The following WDR27 variants were observed in gnomAD, a reference collection of about 807,000 sequenced individuals.
The protein encoded by WDR27 is WD repeat-containing protein 27.
WDR27 carries 100 observed loss-of-function variants against 114.4 expected under a neutral mutation model. That is an observed-to-expected ratio of 0.87 (90% confidence interval 0.74 to 1.03). The LOEUF is 1.03. Ranked by LOEUF, WDR27 falls within the 50% of genes least tolerant of loss-of-function variation. The pLI is 0.00. For missense variants in WDR27, 1,129 were observed against 1,092.9 expected (o/e 1.03, Z -0.47); for synonymous variants, 449 against 423.1 (o/e 1.06, Z -0.75).
intron 21 of WDR27, among the ~76,000 whole-genome samples, chr6:169,614,705 G>A (rs1811385651): frequency 6.6e-6 from 1 of 150,594 alleles, no homozygotes; most frequent in Non-Finnish European, 1.5e-5. Context: ...AAAAAGAAAA[G>A]AAAAAGAAAA....
In WDR27 at chr6:169,638,565, G is replaced by C. The variant is rs373407657; in HGVS notation, c.1843C>G (p.Arg615Gly). 4 of 1,610,896 alleles carry C rather than the reference G, an allele frequency of 2.5e-6. No individual in the cohort carries two copies. The South Asian group carries it at 4.4e-5, about 18-fold the overall frequency. The part of the protein sequence containing the change: ...RDGTLRMWSA[R>G]GAELALLLGK... ...AGAAGCAGTGCGAGCTCTGCCCCAC[G>C]AGCCGACCACATTCGCAGGGTCCCG... The change falls in exon 18 of 26, where the codon CGT (arginine) becomes GGT (glycine). Residue 615 changes from arginine (R) to glycine (G), a missense_variant. Coordinates refer to ENST00000448612, the MANE Select transcript of WDR27 (RefSeq NM_182552.5).
At chr6:169,605,044 A>C (rs370452956) in intron 22 of WDR27, among the ~76,000 whole-genome samples, 1 of 146,868 alleles carries the variant, frequency 6.8e-6, no homozygotes, top group Admixed American at 7.1e-5. Flanking sequence ...GAACAAGACA[A>C]GGATGCCCAC....
intron 25 of WDR27, among the ~76,000 whole-genome samples, chr6:169,536,445 A>G (rs555494590): frequency 1.3e-5 from 2 of 152,218 alleles, no homozygotes; most frequent in Non-Finnish European, 2.9e-5. Flanking sequence ...AAATGCTGTA[A>G]TAATCCTAAG....
intron 17 of WDR27, among the ~76,000 whole-genome samples, chr6:169,640,687 C>T (rs557175051): frequency 1.3e-5 from 2 of 152,370 alleles, no homozygotes; most frequent in East Asian, 3.9e-4. Flanking sequence ...GTCCAGGCAG[C>T]CTGGGCCATA....
At chr6:169,679,276 C>A (rs892714716) in intron 2 of WDR27, among the ~76,000 whole-genome samples, 3 of 152,172 alleles carry the variant, frequency 2.0e-5, no homozygotes, top group Non-Finnish European at 2.9e-5. Context: ...ATGTCACAGG[C>A]CATGGTCACT....
chr6:169,640,192 T>C (rs1015113035), intron 17 of WDR27, among the ~76,000 whole-genome samples: 10 of 152,126 alleles, frequency 6.6e-5, no homozygotes, highest in African/African-American at 1.9e-4. Flanking sequence ...ATTCCTGCCA[T>C]AGCCGGGATC....
intron 16 of WDR27, among the ~76,000 whole-genome samples, chr6:169,645,301 C>T (rs1003929257): frequency 4.0e-5 from 6 of 150,748 alleles, no homozygotes; most frequent in African/African-American, 1.5e-4. Flanking sequence ...CCGGGTCATA[C>T]TGTAGAAAAT....
At chr6:169,564,302 G>A (rs944396081) in intron 25 of WDR27, among the ~76,000 whole-genome samples, 1 of 152,184 alleles carries the variant, frequency 6.6e-6, no homozygotes, top group African/African-American at 2.4e-5. Flanking sequence ...AGCCAAGCCG[G>A]CAGCTGATTA....
intron 23 of WDR27, among the ~76,000 whole-genome samples, chr6:169,589,807 T>C (rs12196723): frequency 0.48 from 73,385 of 152,072 alleles, 21,319 homozygotes; most frequent in Non-Finnish European, 0.66. Context: ...CCACAATCCA[T>C]GTGTGAAAGA....
intron 25 of WDR27, among the ~76,000 whole-genome samples, chr6:169,569,792 G>A (rs368627249): frequency 6.6e-6 from 1 of 152,150 alleles, no homozygotes; most frequent in East Asian, 1.9e-4. Flanking sequence ...TGGCTTTGGT[G>A]TATTTTGCCA....
At chr6:169,611,988 T>C (rs961623125) in intron 22 of WDR27, among the ~76,000 whole-genome samples, 1 of 152,054 alleles carries the variant, frequency 6.6e-6, no homozygotes, top group Non-Finnish European at 1.5e-5. Flanking sequence ...ATACAAAAAT[T>C]AGCTGGGCGT....
At chr6:169,479,694 G>A (rs1477546062) in intron 25 of WDR27, among the ~76,000 whole-genome samples, 1 of 152,222 alleles carries the variant, frequency 6.6e-6, no homozygotes, top group Non-Finnish European at 1.5e-5. Flanking sequence ...TCAGCATTCT[G>A]TCAATCATGA....
At chr6:169,632,387 C>A (rs1816645290) in intron 21 of WDR27, among the ~76,000 whole-genome samples, 1 of 152,140 alleles carries the variant, frequency 6.6e-6, no homozygotes, top group Non-Finnish European at 1.5e-5. Flanking sequence ...CAGTTTTAGT[C>A]CTAAGAAATA....
chr6:169,677,512 C>A (rs1780372232), intron 2 of WDR27, among the ~76,000 whole-genome samples: 1 of 152,176 alleles, frequency 6.6e-6, no homozygotes, highest in Non-Finnish European at 1.5e-5. Flanking sequence ...GAAAGCAGAG[C>A]ATAAAAGTTC....
chr6:169,454,833 C>G (rs1562435645), downstream of WDR27, among the ~76,000 whole-genome samples: 1 of 152,244 alleles, frequency 6.6e-6, no homozygotes, highest in Non-Finnish European at 1.5e-5. Context: ...CCTTCCTCCC[C>G]TGCACATCCA....
chr6:169,661,901 A>G (rs1826226687), intron 9 of WDR27, among the ~76,000 whole-genome samples: 1 of 152,262 alleles, frequency 6.6e-6, no homozygotes, highest in Non-Finnish European at 1.5e-5. Context: ...CCAAATATGT[A>G]ATAATATTTC....
At chr6:169,618,771 C>T (rs756307645) in intron 21 of WDR27, among the ~76,000 whole-genome samples, 7 of 151,670 alleles carry the variant, frequency 4.6e-5, no homozygotes, top group Non-Finnish European at 7.4e-5. Context: ...TCTGCTTCTC[C>T]TGTATTTGGA....
chr6:169,651,893 G>C (rs372286718), intron 14 of WDR27, 37 bp downstream of exon 14: 10 of 1,575,912 alleles, frequency 6.3e-6, no homozygotes, highest in Non-Finnish European at 8.7e-6. Flanking sequence ...TGTGACGCAG[G>C]TGCATTTCTG....
chr6:169,591,911 G>A (rs1015244248), intron 23 of WDR27, among the ~76,000 whole-genome samples: 1 of 151,216 alleles, frequency 6.6e-6, no homozygotes, highest in African/African-American at 2.4e-5. Context: ...TTCTGCCACA[G>A]ACCTGGAACC....
Sources: gnomAD v4.1 joint callset for allele counts (sites outside exome capture counted in the v4.1 genomes callset) on GRCh38, gnomAD v4.1.1 for gene constraint, MANE v1.5 for transcripts, NCBI Gene and HGNC (gene_info 2026-07-23, HGNC 2026-07-21) for gene names.